The following POLR3B variants were observed in gnomAD, a reference collection of about 807,000 sequenced individuals.
POLR3B encodes the protein RNA polymerase III subunit B.
A neutral mutation model predicts 147.4 loss-of-function variants in POLR3B; 96 were observed. The observed-to-expected ratio is 0.65, with a 90% CI of 0.55 to 0.77. POLR3B has a LOEUF of 0.77. POLR3B is among the 30% of genes least tolerant of loss of function. The probability of loss-of-function intolerance (pLI) is 0.00; values close to 1 mark genes in which losing one functional copy is unlikely to be tolerated. For synonymous variants in POLR3B, 461 were observed against 485.9 expected, an observed-to-expected ratio of 0.95 and a Z score of 0.67; for missense variants, 1,036 against 1,413.5, an observed-to-expected ratio of 0.73 and a Z score of 4.28.
intron 1 of POLR3B, among the ~76,000 whole-genome samples, chr12:106,362,887 G>A (rs893353330): frequency 6.6e-6 from 1 of 151,252 alleles, no homozygotes; most frequent in Non-Finnish European, 1.5e-5. Flanking sequence ...ATAGTTATGT[G>A]CTCTATGTGG....
chr12:106,486,016 G>A (rs949141654), intron 23 of POLR3B, among the ~76,000 whole-genome samples: 6 of 152,052 alleles, frequency 3.9e-5, no homozygotes, highest in Admixed American at 2.6e-4. Flanking sequence ...TTGGCCAGGC[G>A]CGGTGGCTCA....
intron 6 of POLR3B, among the ~76,000 whole-genome samples, chr12:106,373,336 ATCT>A (rs2036635064): frequency 6.6e-6 from 1 of 152,094 alleles, no homozygotes; most frequent in African/African-American, 2.4e-5. Flanking sequence ...TTGTACATTT[ATCT>A]TCTTTATCTC....
At chr12:106,393,802 A>C (rs1008107709) in intron 10 of POLR3B, among the ~76,000 whole-genome samples, 6 of 138,748 alleles carry the variant, frequency 4.3e-5, no homozygotes, top group Non-Finnish European at 9.6e-5. Flanking sequence ...ACACACACAC[A>C]CACCCCATAG....
At chr12:106,488,251 C>A (rs1234212161) in intron 23 of POLR3B, among the ~76,000 whole-genome samples, 1 of 152,162 alleles carries the variant, frequency 6.6e-6, no homozygotes, top group Non-Finnish European at 1.5e-5. Context: ...AGTTATATAT[C>A]TTATCAGTAA....
intron 23 of POLR3B, among the ~76,000 whole-genome samples, chr12:106,466,391 C>T (rs2038006754): frequency 1.3e-5 from 2 of 152,160 alleles, no homozygotes; most frequent in African/African-American, 2.4e-5. Flanking sequence ...AATTTTCTCC[C>T]ATTCTGTAGT....
intron 23 of POLR3B, among the ~76,000 whole-genome samples, chr12:106,468,892 T>C (rs2038046906): frequency 6.6e-6 from 1 of 152,146 alleles, no homozygotes; most frequent in South Asian, 2.1e-4. Flanking sequence ...AAGTGCGATG[T>C]GGTGCTGAGA....
chr12:106,444,207 C>T (rs549755974), intron 18 of POLR3B, among the ~76,000 whole-genome samples: 62 of 152,290 alleles, frequency 4.1e-4, no homozygotes, highest in African/African-American at 1.5e-3. Context: ...TGAGGAAAAG[C>T]AGGCTAGTCA....
chr12:106,407,903 C>T (rs1488250245), intron 11 of POLR3B, among the ~76,000 whole-genome samples: 1 of 152,044 alleles, frequency 6.6e-6, no homozygotes, highest in Non-Finnish European at 1.5e-5. Context: ...TTTGGTTATA[C>T]ATAATCCAGT....
At chr12:106,469,469 T>C (rs1426022904) in intron 23 of POLR3B, among the ~76,000 whole-genome samples, 1 of 152,224 alleles carries the variant, frequency 6.6e-6, no homozygotes, top group Admixed American at 6.5e-5. Context: ...AATATTGTTA[T>C]GTGTGAATTT....
intron 12 of POLR3B, among the ~76,000 whole-genome samples, 180 bp from the exon 13 acceptor site, chr12:106,427,017 G>A (rs1213358887): frequency 2.0e-5 from 3 of 152,014 alleles, no homozygotes; most frequent in African/African-American, 7.2e-5. Context: ...CTAGCACGGT[G>A]TTAAGCACAT....
intron 23 of POLR3B, among the ~76,000 whole-genome samples, chr12:106,495,594 G>A (rs538088233): frequency 1.7e-4 from 26 of 152,314 alleles, no homozygotes; most frequent in Admixed American, 1.0e-3. Flanking sequence ...AAACCACATT[G>A]TAAGCACACT....
chr12:106,482,355 C>A (rs1165166026), intron 23 of POLR3B, among the ~76,000 whole-genome samples: 3 of 152,092 alleles, frequency 2.0e-5, no homozygotes, highest in African/African-American at 7.2e-5. Context: ...ATACCTCAGA[C>A]TGGATAATTT....
At chr12:106,475,391 G>T (rs1202826537) in intron 23 of POLR3B, among the ~76,000 whole-genome samples, 2 of 96,700 alleles carry the variant, frequency 2.1e-5, no homozygotes, top group Non-Finnish European at 4.1e-5. Flanking sequence ...TCCGCTTGGT[G>T]CAGAGCTGAG....
chr12:106,394,957 T>C (rs1368271604), intron 10 of POLR3B, among the ~76,000 whole-genome samples: 1 of 152,258 alleles, frequency 6.6e-6, no homozygotes, highest in East Asian at 1.9e-4. Flanking sequence ...GAATATTCTA[T>C]GCTATTCAAA....
chr12:106,460,133 A>G (rs1276884642), intron 22 of POLR3B, among the ~76,000 whole-genome samples: 2 of 152,202 alleles, frequency 1.3e-5, no homozygotes, highest in African/African-American at 2.4e-5. Flanking sequence ...GAGGCCTGCC[A>G]TGTGCCAACC....
At chr12:106,442,353 A>G (rs2037663401) in intron 18 of POLR3B, among the ~76,000 whole-genome samples, 1 of 152,186 alleles carries the variant, frequency 6.6e-6, no homozygotes, top group Admixed American at 6.5e-5. Context: ...AACTTGGCCA[A>G]TATTTAAACA....
At chr12:106,497,318 A>C (rs998217511) in intron 25 of POLR3B, among the ~76,000 whole-genome samples, 1 of 151,892 alleles carries the variant, frequency 6.6e-6, no homozygotes, top group Non-Finnish European at 1.5e-5. Flanking sequence ...TGGATACAAG[A>C]AAATCTAACT....
intron 12 of POLR3B, among the ~76,000 whole-genome samples, chr12:106,426,856 C>T (rs1335088811): frequency 1.2e-4 from 8 of 67,824 alleles, no homozygotes; most frequent in South Asian, 7.0e-4. Context: ...CCCCCCCCCC[C>T]GTCCTTTTTG....
chr12:106,506,761 A>T lies in POLR3B; in HGVS notation c.3272+2507A>T, dbSNP rs577746304. On this transcript the variant is annotated intron_variant, in intron 27 of 27. Coordinates refer to ENST00000228347, the MANE Select transcript of POLR3B (RefSeq NM_018082.6). ...ATGTCTGATTTTGAGTGGCCTACTT[A>T]TACCCTTGTTGCCAACAGAAAAAAA... 7.9e-5 allele frequency among the ~76,000 whole-genome samples: 12 copies of T among 152,302 alleles called. No individual in the cohort carries two copies. In the South Asian group the frequency reaches 2.3e-3, roughly 29 times the overall value.
Sources: allele counts gnomAD v4.1 joint callset (sites outside exome capture counted in the v4.1 genomes callset), GRCh38; gene constraint gnomAD v4.1.1; transcripts MANE v1.5; gene names NCBI Gene and HGNC (gene_info 2026-07-23, HGNC 2026-07-21).